Variants in DOCK2 observed in about 807,000 individuals in gnomAD.
DOCK2 encodes the protein dedicator of cytokinesis 2, also known as dedicator of cytokinesis protein 2.
Under a neutral mutation model 248.9 loss-of-function variants are expected in DOCK2, and 87 were observed. That is an observed-to-expected ratio of 0.35 (90% CI 0.29 to 0.42). DOCK2 has a LOEUF of 0.42. Ranked by LOEUF, DOCK2 falls within the 10% of genes least tolerant of loss-of-function variation. The probability of loss-of-function intolerance (pLI) is 1.00; values close to 1 mark genes in which losing one functional copy is unlikely to be tolerated. For missense variants in DOCK2, 1,747 were observed against 2,300.2 expected, an observed-to-expected ratio of 0.76 and a Z score of 4.92; for synonymous variants, 805 against 821.6, an observed-to-expected ratio of 0.98 and a Z score of 0.35.
chr5:170,053,470 G>A (rs768586183), intron 41 of DOCK2, among the ~76,000 whole-genome samples: 7 of 152,142 alleles, frequency 4.6e-5, no homozygotes, highest in African/African-American at 7.2e-5. Context: ...TCATTTTCAC[G>A]TTACAAAATA....
intron 27 of DOCK2, among the ~76,000 whole-genome samples, chr5:169,866,096 C>T (rs927351342): frequency 1.0e-4 from 14 of 140,356 alleles, no homozygotes; most frequent in East Asian, 2.0e-4. Flanking sequence ...GTCAGAGGGG[C>T]GAGGGGGCCT....
intron 44 of DOCK2, among the ~76,000 whole-genome samples, chr5:170,063,173 C>G (rs1757388390): frequency 6.6e-6 from 1 of 152,154 alleles, no homozygotes; most frequent in South Asian, 2.1e-4. Flanking sequence ...GAAAGCACTT[C>G]CAGGGCTTCA....
chr5:169,649,311 G>C (rs1757666136), intron 1 of DOCK2, among the ~76,000 whole-genome samples: 1 of 152,214 alleles, frequency 6.6e-6, no homozygotes, highest in Non-Finnish European at 1.5e-5. Flanking sequence ...CCATCTTGAA[G>C]GGTCACAGGG....
At chr5:169,827,656 T>C (rs919980487) in intron 26 of DOCK2, among the ~76,000 whole-genome samples, 1 of 152,110 alleles carries the variant, frequency 6.6e-6, no homozygotes, top group South Asian at 2.1e-4. Flanking sequence ...CCAGAAACTA[T>C]AGATCGGAAT....
chr5:169,908,403 C>T (rs116758662), intron 27 of DOCK2, among the ~76,000 whole-genome samples: 84 of 152,244 alleles, frequency 5.5e-4, no homozygotes, highest in African/African-American at 1.9e-3. Context: ...AATATGCTTT[C>T]CCCTGCTCCA....
chr5:169,758,900 A>G (rs1488511613), intron 23 of DOCK2, among the ~76,000 whole-genome samples: 1 of 152,252 alleles, frequency 6.6e-6, no homozygotes, highest in African/African-American at 2.4e-5. Flanking sequence ...AGGGTGATAC[A>G]TGTTAGTAAC....
intron 23 of DOCK2, among the ~76,000 whole-genome samples, chr5:169,750,945 G>A (rs563660777): frequency 6.6e-6 from 1 of 152,290 alleles, no homozygotes; most frequent in African/African-American, 2.4e-5. Context: ...GCAGGAGAGG[G>A]AGCTTTGGCT....
chr5:169,805,819 A>T (rs963823780), intron 26 of DOCK2, among the ~76,000 whole-genome samples: 2 of 152,212 alleles, frequency 1.3e-5, no homozygotes, highest in East Asian at 3.8e-4. Context: ...GGATTGTGGC[A>T]TCTGGACTTG....
rs149080371 is a variant in DOCK2 at position 169,938,275 on chromosome 5, G to A, written c.2800-44793G>A. 1.1e-3 allele frequency among the ~76,000 whole-genome samples: 168 copies of A among 148,492 alleles called. No individual in the cohort carries two copies. The Middle Eastern group carries it at 0.014, about 12-fold the overall frequency. ...TAAATGTGTTCTTCCTGGGATGTCCGTGTCCAAACACAGTCACACATCACT... is the reference window on the plus strand; with the variant it reads ...TAAATGTGTTCTTCCTGGGATGTCCATGTCCAAACACAGTCACACATCACT... On this transcript the variant is annotated intron_variant, in intron 27 of 51. Transcript: ENST00000520908.
intron 27 of DOCK2, among the ~76,000 whole-genome samples, chr5:169,914,456 G>T (rs1475726124): frequency 6.6e-6 from 1 of 152,168 alleles, no homozygotes; most frequent in African/African-American, 2.4e-5. Context: ...TGTTTTATGG[G>T]GCTTTCAGTT....
rs1776782179 is a variant in DOCK2, at chr5:169,954,347, T to A, written c.2800-28721T>A. Among the ~76,000 whole-genome samples the A allele has an allele frequency of 2.6e-5, 4 of 152,378 alleles. No individual in the cohort carries two copies. In the South Asian group the frequency reaches 8.3e-4, roughly 32 times the overall value. On this transcript the variant is annotated intron_variant, in intron 27 of 51. Coordinates refer to ENST00000520908, the MANE Select transcript of DOCK2 (RefSeq NM_004946.3). ...ACATCAAACTTAACAATTAATGATG[T>A]TTATATAACATTCCATTATGTAGAC...
At chr5:169,906,401 T>A (rs1478954689) in intron 27 of DOCK2, among the ~76,000 whole-genome samples, 1 of 152,214 alleles carries the variant, frequency 6.6e-6, no homozygotes, top group Non-Finnish European at 1.5e-5. Context: ...ACCACCATCA[T>A]TTGGGCTTGG....
intron 27 of DOCK2, among the ~76,000 whole-genome samples, chr5:169,888,471 A>G (rs1199549759): frequency 1.3e-5 from 2 of 152,214 alleles, no homozygotes; most frequent in East Asian, 1.9e-4. Context: ...TGTTCCATCT[A>G]TGCCTTTGGC....
chr5:169,929,358 C>G (rs1358592252), intron 27 of DOCK2, among the ~76,000 whole-genome samples: 1 of 152,078 alleles, frequency 6.6e-6, no homozygotes, highest in South Asian at 2.1e-4. Flanking sequence ...GCTTTTTACA[C>G]GTAGATTTTC....
intron 47 of DOCK2, 130 bp downstream of exon 47, chr5:170,076,214 C>A (rs1260494971): frequency 1.5e-6 from 2 of 1,355,794 alleles, no homozygotes; most frequent in Non-Finnish European, 2.0e-6. Context: ...TGATGGCCAG[C>A]ATTGCTGGAT....
chr5:170,018,885 TCCCCAG>T lies in DOCK2; in HGVS notation c.3233-74_3233-69del. 17 of 1,537,398 alleles carry T rather than the reference TCCCCAG, an allele frequency of 1.1e-5. No homozygotes were observed. In the Admixed American group the frequency reaches 1.3e-4, roughly 11 times the overall value. On this transcript the variant is annotated intron_variant, in intron 32 of 51. Coordinates refer to ENST00000520908, the MANE Select transcript of DOCK2 (RefSeq NM_004946.3). Reference sequence around the variant, plus strand: ...ACTATTATGCTTCCCTTTTTTTCTTTCCCCAGGCTTGGTCGGAGGAGGACCTGTGCG... The same window carrying T: ...ACTATTATGCTTCCCTTTTTTTCTTTGCTTGGTCGGAGGAGGACCTGTGCG...
At chr5:169,849,382 C>T (rs182454668) in intron 27 of DOCK2, among the ~76,000 whole-genome samples, 4 of 152,160 alleles carry the variant, frequency 2.6e-5, no homozygotes, top group African/African-American at 9.7e-5. Context: ...GTTTTGGAGT[C>T]GCTGCCCTTA....
At position 170,081,922 on chromosome 5, in the gene DOCK2, C is replaced by A. The variant is rs760479360; in HGVS notation, c.5368C>A (p.Leu1790Ile). The A allele has an allele frequency of 3.7e-6, 6 of 1,614,184 alleles. No individual in the cohort carries two copies. In the South Asian group the frequency reaches 6.6e-5, roughly 18 times the overall value. Reference sequence around the variant, plus strand: ...CCGCCTCAGCCAGACCTTCCTCCAACTCTCAGATGGTGACAAGAAGACACT... The same window carrying A: ...CCGCCTCAGCCAGACCTTCCTCCAAATCTCAGATGGTGACAAGAAGACACT... ...SPRLSQTFLQLSDGDKKTLTR... is the reference protein window; with the variant it reads ...SPRLSQTFLQISDGDKKTLTR... Residue 1790 changes from leucine (L) to isoleucine (I), a missense_variant, in exon 51 of 52, where the codon CTC (leucine) becomes ATC (isoleucine). Leu to Ile is a conservative substitution (Grantham distance 5). This residue lies in a region of DOCK2 where 513 missense variants were observed against 586.1 expected (regional missense o/e 0.88). Coordinates refer to ENST00000520908, the MANE Select transcript of DOCK2 (RefSeq NM_004946.3).
intron 32 of DOCK2, 138 bp downstream of exon 32, chr5:170,008,884 C>A: frequency 1.9e-6 from 2 of 1,032,290 alleles, no homozygotes; most frequent in South Asian, 2.8e-5. Flanking sequence ...ACCCCAGTTC[C>A]TAATAAGTGC....
Sources: allele counts gnomAD v4.1 joint callset (sites outside exome capture counted in the v4.1 genomes callset), GRCh38; gene constraint gnomAD v4.1.1; regional missense constraint gnomAD v4.1.1; transcripts MANE v1.5; gene names NCBI Gene and HGNC (gene_info 2026-07-23, HGNC 2026-07-21).